Variants in SHANK1 observed in about 807,000 individuals in gnomAD.
The protein encoded by SHANK1 is SH3 and multiple ankyrin repeat domains 1.
SHANK1 carries 35 observed loss-of-function variants against 165.6 expected under a neutral mutation model. The observed-to-expected ratio is 0.21, with a 90% CI of 0.16 to 0.28. SHANK1 has a LOEUF of 0.28. Among genes scored for constraint, SHANK1 ranks in the 10% least tolerant of loss-of-function variants. The probability of loss-of-function intolerance (pLI) is 1.00; values close to 1 mark genes in which losing one functional copy is unlikely to be tolerated. For synonymous variants in SHANK1, 1,428 were observed against 1,384.8 expected, an observed-to-expected ratio of 1.03 and a Z score of -0.69; for missense variants, 2,681 against 3,036.4, an observed-to-expected ratio of 0.88 and a Z score of 2.75.
At chr19:50,679,642 G>A (rs989676635) in intron 21 of SHANK1, among the ~76,000 whole-genome samples, 5 of 152,214 alleles carry the variant, frequency 3.3e-5, no homozygotes, top group Non-Finnish European at 5.9e-5. Context: ...GTGGTCTGGC[G>A]CCTCAGTGGC....
chr19:50,669,799 G>C (rs892664451), intron 22 of SHANK1, among the ~76,000 whole-genome samples: 1 of 151,962 alleles, frequency 6.6e-6, no homozygotes, highest in East Asian at 1.9e-4. Context: ...TAAACGATGC[G>C]AGCCAGGTGG....
At position 50,703,512 on chromosome 19, in the gene SHANK1, C is replaced by A; in HGVS notation, c.1541G>T (p.Arg514Leu). ...RHPEDAKRQPRGRPSSSGTPR... is the reference protein window; with the variant it reads ...RHPEDAKRQPLGRPSSSGTPR... ...CTGCCTCCCCTACCTGGGCCGGCCT[C>A]GGGGCTGCCTCTTGGCGTCCTCAGG... Residue 514 changes from arginine (R) to leucine (L), a missense_variant, in exon 11 of 24, where the codon CGA (arginine) becomes CTA (leucine). This residue lies in a region of SHANK1 where 195 missense variants were observed against 186.2 expected (regional missense o/e 1.05). Transcript: ENST00000293441. 2 of 1,540,984 alleles carry A rather than the reference C, an allele frequency of 1.3e-6. No homozygotes were observed. The highest frequency in any genetic ancestry group is 2.4e-5 in the East Asian group (1 of 41,224).
At position 50,667,044 on chromosome 19, in the gene SHANK1, G is replaced by C; in HGVS notation, c.4916C>G (p.Ser1639Cys). Residue 1639 changes from serine (S) to cysteine (C), a missense_variant, in exon 23 of 24, where the codon TCC becomes TGC. Ser to Cys is a moderately radical substitution (Grantham distance 112). Coordinates refer to ENST00000293441, the MANE Select transcript of SHANK1 (RefSeq NM_016148.5). The surrounding 1 kb of genome is among the most constrained non-coding windows in gnomAD (Gnocchi z 5.7). ...TGGATGGGGGTCCCCAGGAGCGGCG[G>C]AGGCCCCCTGGGTCAGGGTGGCCAC... Reference protein sequence around the residue: ...SEVATLTQGASAAPGDPHPPG... With the variant: ...SEVATLTQGACAAPGDPHPPG... The C allele has an allele frequency of 6.5e-7, 1 of 1,548,004 alleles. No homozygotes were observed. The highest frequency in any genetic ancestry group is 1.2e-5 in the South Asian group (1 of 83,152).
chr19:50,685,977 G>A lies in SHANK1; in HGVS notation c.2577+260C>T, dbSNP rs114416003. On this transcript the variant is annotated intron_variant, in intron 21 of 23. Coordinates refer to ENST00000293441, the MANE Select transcript of SHANK1 (RefSeq NM_016148.5). ...GGGACGCAGAGGGACACAAAGAGGC[G>A]GGGCAAGAGCTCAAGTATAATAGCA... 2.8e-3 allele frequency among the ~76,000 whole-genome samples: 425 copies of A among 152,106 alleles called. 2 individuals are homozygous for A. The highest frequency in any genetic ancestry group is 9.9e-3 in the African/African-American group (410 of 41,504).
intron 8 of SHANK1, among the ~76,000 whole-genome samples, chr19:50,705,018 G>C (rs192591854): frequency 3.9e-4 from 60 of 151,972 alleles, no homozygotes; most frequent in Non-Finnish European, 7.1e-4. Context: ...TCAAGCCTGA[G>C]TGACAGAGCA....
At chr19:50,682,071 T>G (rs1297654894) in intron 21 of SHANK1, among the ~76,000 whole-genome samples, 1 of 151,598 alleles carries the variant, frequency 6.6e-6, no homozygotes, top group Admixed American at 6.6e-5. Flanking sequence ...TTCTATTTTT[T>G]TTTTAGACGG....
chr19:50,689,255 T>C lies in SHANK1; in HGVS notation c.1989A>G (p.Thr663=). The part of the protein sequence containing the change: ...PGSDYIIKEK[T]VLLQKKDSEG... ...CACTGTCCTTCTTCTGCAGCAAGAC[T>C]GTCTTCTCCTTAATGATGTAATCGC... The change falls in exon 16 of 24, where the codon ACA becomes ACG. Residue 663 remains threonine (T), a synonymous_variant. Transcript: ENST00000293441. 6.2e-7 allele frequency: 1 copy of C among 1,611,390 alleles called. No individual in the cohort carries two copies.
intron 8 of SHANK1, among the ~76,000 whole-genome samples, chr19:50,710,802 C>T (rs1241903038): frequency 6.6e-6 from 1 of 152,234 alleles, no homozygotes. Context: ...CCCTGCCGTG[C>T]CGCCACGTGG....
intron 11 of SHANK1, 103 bp downstream of exon 11, chr19:50,703,397 G>T: frequency 1.0e-6 from 1 of 977,820 alleles, no homozygotes; most frequent in Non-Finnish European, 1.5e-6. Flanking sequence ...TTGGATGAGG[G>T]CCTACAGAGG....
Position 50,667,467 on chromosome 19 carries a change from C to T in SHANK1, c.4493G>A (p.Cys1498Tyr), listed in dbSNP as rs1985582038. 6 of 1,530,498 alleles carry T rather than the reference C, an allele frequency of 3.9e-6. No individual in the cohort carries two copies. Among genetic ancestry groups the T allele is most frequent in the Admixed American group, 2.1e-5 (1 of 47,552 alleles). 94.8% of individuals were successfully genotyped at this position (1,530,498 alleles called of 1,614,324 possible). ...GCTCGTCACAGGGGCCCGGGGCTGG[C>T]AGTTTTCAAGGAACCGCACGTGCAG... ...LPLHVRFLEN[C>Y]QPRAPVTSGR... The change falls in exon 23 of 24, where the codon TGC (cysteine) becomes TAC (tyrosine). Residue 1498 changes from cysteine (C) to tyrosine (Y), a missense_variant. By Grantham distance (194) the Cys-to-Tyr change is radical. Coordinates refer to ENST00000293441, the MANE Select transcript of SHANK1 (RefSeq NM_016148.5). The surrounding 1 kb of genome is among the most constrained non-coding windows in gnomAD (Gnocchi z 5.7).
chr19:50,696,285 TACTC>T (rs1310509832), intron 15 of SHANK1, among the ~76,000 whole-genome samples: 2 of 151,988 alleles, frequency 1.3e-5, no homozygotes, highest in Non-Finnish European at 2.9e-5. Context: ...TGTACCCCAA[TACTC>T]ACCCGGTGCC....
chr19:50,666,637 C>T lies in SHANK1; in HGVS notation c.5323G>A (p.Gly1775Arg). ...SGGLRPGPSGGLRDPVTPTSP... is the reference protein window; with the variant it reads ...SGGLRPGPSGRLRDPVTPTSP... Reference sequence around the variant, plus strand: ...GTGGGGGTAACAGGGTCTCGGAGTCCCCCGCTGGGGCCAGGCCGCAGGCCT... The same window carrying T: ...GTGGGGGTAACAGGGTCTCGGAGTCTCCCGCTGGGGCCAGGCCGCAGGCCT... The change falls in exon 23 of 24, where the codon GGA (glycine) becomes AGA (arginine). Residue 1775 changes from glycine (G) to arginine (R), a missense_variant. Gly to Arg is a moderately radical substitution (Grantham distance 125). Around this residue, in one of 10 missense-constraint regions of SHANK1, gnomAD observed 1,713 missense variants for 1,630.2 expected, o/e 1.05. Transcript: ENST00000293441. 6.3e-7 allele frequency: 1 copy of T among 1,596,304 alleles called. No individual in the cohort carries two copies. The highest frequency in any genetic ancestry group is 1.1e-5 in the South Asian group (1 of 88,798).
Position 50,668,765 on chromosome 19 carries a change from C to CGATGGG in SHANK1, c.3189_3194dup (p.Pro1064_Ser1065dup). The CGATGGG allele has an allele frequency of 7.9e-7, 1 of 1,272,114 alleles. No homozygotes were observed. 78.8% of individuals were successfully genotyped at this position (1,272,114 alleles called of 1,614,324 possible). A position where few individuals can be genotyped will look rare whatever the true frequency, so the allele number is the denominator to read the frequency against. ...CGCCCCCGCCCGCGCTGCCGTGGTGCGATGGGGACGGGGCCCCCGGGGTCG... is the reference window on the plus strand; with the variant it reads ...CGCCCCCGCCCGCGCTGCCGTGGTGCGATGGGGATGGGGACGGGGCCCCCGGGGTCG... On this transcript the variant is annotated inframe_insertion, in exon 23 of 24. Coordinates refer to ENST00000293441, the MANE Select transcript of SHANK1 (RefSeq NM_016148.5).
chr19:50,668,770 G>A lies in SHANK1; in HGVS notation c.3190C>T (p.Pro1064Ser). The A allele has an allele frequency of 1.6e-6, 2 of 1,270,750 alleles. No individual in the cohort carries two copies. Among genetic ancestry groups the A allele is most frequent in the South Asian group, 6.3e-5 (2 of 31,820 alleles). 78.7% of individuals were successfully genotyped at this position (1,270,750 alleles called of 1,614,324 possible). A position where few individuals can be genotyped will look rare whatever the true frequency, so the allele number is the denominator to read the frequency against. ...CCGCCCGCGCTGCCGTGGTGCGATGGGGACGGGGCCCCCGGGGTCGGGCTG... is the reference window on the plus strand; with the variant it reads ...CCGCCCGCGCTGCCGTGGTGCGATGAGGACGGGGCCCCCGGGGTCGGGCTG... ...GPSPTPGAPSPSHHGSAGGGG... is the reference protein window; with the variant it reads ...GPSPTPGAPSSSHHGSAGGGG... The change falls in exon 23 of 24, where the codon CCA (proline) becomes TCA (serine). Residue 1064 changes from proline (P) to serine (S), a missense_variant. Coordinates refer to ENST00000293441, the MANE Select transcript of SHANK1 (RefSeq NM_016148.5).
intron 12 of SHANK1, among the ~76,000 whole-genome samples, chr19:50,701,565 C>T (rs1185676022): frequency 4.0e-5 from 6 of 151,540 alleles, no homozygotes; most frequent in African/African-American, 1.4e-4. Flanking sequence ...TCTGACTCCT[C>T]CAATCCTCAT....
intron 21 of SHANK1, among the ~76,000 whole-genome samples, chr19:50,674,935 A>G (rs1438702202): frequency 6.6e-6 from 1 of 151,894 alleles, no homozygotes; most frequent in African/African-American, 2.4e-5. Context: ...GGCGGCATGT[A>G]CCTGTCATCC....
At chr19:50,689,623 T>A (rs1195831517) in intron 15 of SHANK1, among the ~76,000 whole-genome samples, 1 of 152,176 alleles carries the variant, frequency 6.6e-6, no homozygotes, top group African/African-American at 2.4e-5. Context: ...AGTCACTTCC[T>A]GCCTATGACC....
chr19:50,665,532 A>C (rs1232997718), intron 23 of SHANK1, among the ~76,000 whole-genome samples: 1 of 128,428 alleles, frequency 7.8e-6, no homozygotes, highest in Non-Finnish European at 1.6e-5. Flanking sequence ...GTACCACTGC[A>C]CTCCAGCCTG....
At chr19:50,676,384 G>A (rs1038970049) in intron 21 of SHANK1, among the ~76,000 whole-genome samples, 26 of 152,124 alleles carry the variant, frequency 1.7e-4, no homozygotes, top group African/African-American at 4.8e-5. Context: ...GGTGAAGGAG[G>A]GGGCATAATG....
Sources: gnomAD v4.1 joint callset for allele counts (sites outside exome capture counted in the v4.1 genomes callset) on GRCh38, gnomAD v4.1.1 for gene constraint, gnomAD v4.1.1 regional missense constraint, Gnocchi (gnomAD v3.1) non-coding constraint, MANE v1.5 for transcripts, NCBI Gene and HGNC (gene_info 2026-07-23, HGNC 2026-07-21) for gene names.